DKK2: variants seen among roughly 807,000 people sequenced by gnomAD.
DKK2 encodes the protein dickkopf-related protein 2.
In DKK2, 11 loss-of-function variants were observed where a neutral mutation model predicts 28.1. The observed-to-expected ratio is 0.39, with a 90% CI of 0.25 to 0.65. The LOEUF is 0.65. DKK2 is among the 30% of genes least tolerant of loss of function. The pLI is 0.47. For missense variants in DKK2, 326 were observed against 335.5 expected, an observed-to-expected ratio of 0.97 and a Z score of 0.22; for synonymous variants, 135 against 126.5, an observed-to-expected ratio of 1.07 and a Z score of -0.45.
intron 1 of DKK2, among the ~76,000 whole-genome samples, chr4:106,934,062 C>T (rs184313642): frequency 0.025 from 3,622 of 146,738 alleles, 60 homozygotes; most frequent in Non-Finnish European, 0.037. Context: ...CACAGATACA[C>T]ACACACACAC....
Position 107,013,988 on chromosome 4 carries a change from A to G in DKK2, c.222+21382T>C, listed in dbSNP as rs113105135. ...TGGCTACTATCAAAAAGACAAAATA[A>G]CAAATACCGGCAAGGATGTGGAGAA... On this transcript the variant is annotated intron_variant, in intron 1 of 3. Transcript: ENST00000285311. 4.0e-3 allele frequency among the ~76,000 whole-genome samples: 602 copies of G among 151,736 alleles called. 5 individuals are homozygous for G. Among genetic ancestry groups the G allele is most frequent in the African/African-American group, 0.013 (559 of 41,512 alleles).
At chr4:106,947,675 C>CTTTT (rs556558001) in intron 1 of DKK2, among the ~76,000 whole-genome samples, 3 of 136,216 alleles carry the variant, frequency 2.2e-5, no homozygotes, top group African/African-American at 5.4e-5. Context: ...TTCTTTCTTT[C>CTTTT]TTTTTTTTTT....
chr4:106,953,760 A>T (rs2110347603), intron 1 of DKK2, among the ~76,000 whole-genome samples: 2 of 152,326 alleles, frequency 1.3e-5, no homozygotes, highest in Middle Eastern at 6.8e-3. Flanking sequence ...GAATCATAGG[A>T]CATAGAGCTT....
At chr4:106,971,381 C>T (rs1722865546) in intron 1 of DKK2, among the ~76,000 whole-genome samples, 1 of 152,046 alleles carries the variant, frequency 6.6e-6, no homozygotes, top group African/African-American at 2.4e-5. Flanking sequence ...TATTAAACAG[C>T]TTATATCTAC....
intron 1 of DKK2, among the ~76,000 whole-genome samples, chr4:106,934,549 C>T: frequency 6.6e-6 from 1 of 152,146 alleles, no homozygotes; most frequent in Non-Finnish European, 1.5e-5. Flanking sequence ...CATACACATA[C>T]ACAATGCATT....
intron 1 of DKK2, among the ~76,000 whole-genome samples, chr4:106,978,474 A>G (rs1476619349): frequency 1.3e-5 from 2 of 152,174 alleles, no homozygotes; most frequent in African/African-American, 2.4e-5. Context: ...GTCTGACTAC[A>G]GCAGCTTTGT....
At chr4:106,955,453 C>T (rs1200590660) in intron 1 of DKK2, among the ~76,000 whole-genome samples, 3 of 152,216 alleles carry the variant, frequency 2.0e-5, no homozygotes, top group Non-Finnish European at 4.4e-5. Flanking sequence ...AACAGCCACA[C>T]CACAGTGTGT....
intron 1 of DKK2, among the ~76,000 whole-genome samples, chr4:106,971,783 A>C (rs539913996): frequency 1.3e-5 from 2 of 152,062 alleles, no homozygotes; most frequent in African/African-American, 4.8e-5. Flanking sequence ...GAAAGACTTA[A>C]TCCTCTAAGC....
At chr4:106,956,718 G>A (rs2110348629) in intron 1 of DKK2, among the ~76,000 whole-genome samples, 1 of 152,024 alleles carries the variant, frequency 6.6e-6, no homozygotes, top group South Asian at 2.1e-4. Context: ...GCTGAAGCTG[G>A]ATCCCTTCCT....
intron 1 of DKK2, among the ~76,000 whole-genome samples, chr4:106,951,693 CTT>C (rs1360850768): frequency 6.6e-6 from 1 of 152,026 alleles, no homozygotes; most frequent in Non-Finnish European, 1.5e-5. Context: ...GCAGAGCACT[CTT>C]GACAATAAAG....
intron 1 of DKK2, among the ~76,000 whole-genome samples, chr4:107,018,091 T>C (rs576413795): frequency 1.3e-5 from 2 of 152,152 alleles, no homozygotes; most frequent in East Asian, 3.9e-4. Context: ...CCCAGACTCT[T>C]AGAACACACC....
intron 1 of DKK2, among the ~76,000 whole-genome samples, chr4:107,006,499 T>C (rs1042891160): frequency 1.3e-5 from 2 of 152,072 alleles, no homozygotes; most frequent in African/African-American, 4.8e-5. Context: ...ACCAAGAAGG[T>C]TTGTTTGTCT....
At chr4:107,008,647 A>G (rs990600276) in intron 1 of DKK2, among the ~76,000 whole-genome samples, 1 of 152,042 alleles carries the variant, frequency 6.6e-6, no homozygotes. Flanking sequence ...CCTTGGAGCC[A>G]CAATGTAGAA....
At chr4:106,982,448 C>A (rs771376735) in intron 1 of DKK2, among the ~76,000 whole-genome samples, 32 of 152,146 alleles carry the variant, frequency 2.1e-4, no homozygotes, top group Non-Finnish European at 3.1e-4. Context: ...TCTGGTGAAT[C>A]CGGGCTGCTA....
At chr4:106,940,771 A>C (rs1362409442) in intron 1 of DKK2, among the ~76,000 whole-genome samples, 7 of 152,180 alleles carry the variant, frequency 4.6e-5, no homozygotes, top group African/African-American at 1.4e-4. Context: ...ACGGAATACT[A>C]TGCAGCCATA....
At chr4:107,027,253 C>A in intron 1 of DKK2, among the ~76,000 whole-genome samples, 1 of 152,082 alleles carries the variant, frequency 6.6e-6, no homozygotes, top group East Asian at 1.9e-4. Flanking sequence ...ATTGTAATTT[C>A]AGGTGATATT....
intron 1 of DKK2, among the ~76,000 whole-genome samples, chr4:106,961,988 AAGTCTT>A (rs1420254622): frequency 1.3e-5 from 2 of 152,186 alleles, no homozygotes; most frequent in African/African-American, 4.8e-5. Context: ...GATAATTCTC[AAGTCTT>A]AGCTTGTCAA....
intron 1 of DKK2, among the ~76,000 whole-genome samples, chr4:106,958,359 T>G (rs1722634226): frequency 6.6e-6 from 1 of 152,036 alleles, no homozygotes; most frequent in Admixed American, 6.6e-5. Context: ...GCACCCATAT[T>G]CAAGAAACAA....
At chr4:106,969,070 T>A (rs1722824261) in intron 1 of DKK2, among the ~76,000 whole-genome samples, 1 of 152,008 alleles carries the variant, frequency 6.6e-6, no homozygotes. Context: ...TGGAATTAAG[T>A]GCTAAGTTCC....
Sources: gnomAD v4.1 joint callset for allele counts (sites outside exome capture counted in the v4.1 genomes callset) on GRCh38, gnomAD v4.1.1 for gene constraint, MANE v1.5 for transcripts, NCBI Gene and HGNC (gene_info 2026-07-23, HGNC 2026-07-21) for gene names.